The following SETD2 variants were observed in gnomAD, a reference collection of about 807,000 sequenced individuals.
SETD2 encodes histone-lysine N-methyltransferase SETD2.
A neutral mutation model predicts 242.1 loss-of-function variants in SETD2; 31 were observed. The observed-to-expected ratio is 0.13, with a 90% CI of 0.10 to 0.17. The LOEUF is 0.17. Among genes scored for constraint, SETD2 ranks in the 10% least tolerant of loss-of-function variants. The pLI, the probability that SETD2 is intolerant of heterozygous loss-of-function variation, is 1.00. For missense variants in SETD2, 2,481 were observed against 3,046.3 expected, an observed-to-expected ratio of 0.81 and a Z score of 4.37; for synonymous variants, 1,006 against 1,066.5, an observed-to-expected ratio of 0.94 and a Z score of 1.11.
chr3:47,160,499 G>A (rs945268961), intron 1 of SETD2, among the ~76,000 whole-genome samples: 5 of 149,742 alleles, frequency 3.3e-5, no homozygotes, highest in African/African-American at 1.2e-4. Flanking sequence ...TAGTAGAGAC[G>A]AGGTTTCACC....
intron 12 of SETD2, among the ~76,000 whole-genome samples, chr3:47,068,851 T>C (rs1269794000): frequency 2.6e-5 from 4 of 151,902 alleles, no homozygotes; most frequent in African/African-American, 7.3e-5. Flanking sequence ...CAGGCTGGAG[T>C]GCAGTGGTGC....
intron 3 of SETD2, among the ~76,000 whole-genome samples, chr3:47,117,218 T>C (rs1323620378): frequency 6.7e-6 from 1 of 149,544 alleles, no homozygotes; most frequent in African/African-American, 2.5e-5. Flanking sequence ...AAACATCTAA[T>C]TATTAGTACT....
At chr3:47,135,464 C>G (rs2043570256) in intron 1 of SETD2, among the ~76,000 whole-genome samples, 1 of 152,138 alleles carries the variant, frequency 6.6e-6, no homozygotes, top group South Asian at 2.1e-4. Flanking sequence ...TTTGTAGAGA[C>G]AGGGTTTCAC....
In SETD2 at chr3:47,056,185, C is replaced by T. The variant is rs1374185717; in HGVS notation, c.6963+636G>A. On this transcript the variant is annotated intron_variant, in intron 15 of 20. Coordinates refer to ENST00000409792, the MANE Select transcript of SETD2 (RefSeq NM_014159.7). ...TGTTGTCCAGGCTGGGGTACAGTGA[C>T]GCTATCTCAGCTCACTGTAACCTCT... Among the ~76,000 whole-genome samples, 7 of 150,198 alleles carry T rather than the reference C, an allele frequency of 4.7e-5. No individual in the cohort carries two copies. The East Asian group carries it at 7.8e-4, about 17-fold the overall frequency.
chr3:47,151,094 T>C (rs1321501822), intron 1 of SETD2, among the ~76,000 whole-genome samples: 1 of 152,106 alleles, frequency 6.6e-6, no homozygotes, highest in East Asian at 1.9e-4. Context: ...TACTAGTTAC[T>C]AGGATTCCTC....
chr3:47,114,296 C>G (rs1016126589), intron 4 of SETD2, among the ~76,000 whole-genome samples: 1 of 152,168 alleles, frequency 6.6e-6, no homozygotes, highest in Non-Finnish European at 1.5e-5. Context: ...TTTCAGGCTG[C>G]ATGTAAGCTT....
In SETD2 at chr3:47,098,019, T is replaced by C; in HGVS notation, c.5078A>G (p.Asn1693Ser). The C allele has an allele frequency of 1.2e-6, 2 of 1,614,122 alleles. No individual in the cohort carries two copies. Among genetic ancestry groups the C allele is most frequent in the Non-Finnish European group, 1.7e-6 (2 of 1,179,964 alleles). Residue 1693 changes from asparagine to serine, a missense_variant, in exon 9 of 21, where the codon AAC (asparagine) becomes AGC (serine). Transcript: ENST00000409792. The stretch of plus-strand genomic sequence containing the variant: ...TCCTGCTGCTCTGATGCTGACTCTG[T>C]TTTCTCCTCCCAGGTAACCCCGGCA... ...ANCRGYLGGE[N>S]RVSIRAAGGK...
intron 6 of SETD2, 157 bp downstream of exon 6, chr3:47,105,840 T>A: frequency 1.4e-6 from 1 of 727,576 alleles, no homozygotes; most frequent in Non-Finnish European, 2.2e-6. Context: ...GAGGCAGGGG[T>A]TGCAGTGAGC....
At chr3:47,059,352 G>C (rs1471219471) in intron 14 of SETD2, among the ~76,000 whole-genome samples, 1 of 151,446 alleles carries the variant, frequency 6.6e-6, no homozygotes, top group African/African-American at 2.4e-5. Context: ...CTGACCTCAA[G>C]TGATCCGCCC....
intron 1 of SETD2, chr3:47,157,558 T>C (rs1379918636): frequency 2.2e-6 from 1 of 455,918 alleles, no homozygotes. Context: ...TCTAGCTGAC[T>C]TGTTCCATTC....
chr3:47,101,842 ACTG>A (rs781655939), intron 7 of SETD2, among the ~76,000 whole-genome samples: 5 of 152,140 alleles, frequency 3.3e-5, no homozygotes, highest in Admixed American at 3.3e-4. Context: ...AAAAAAAGTA[ACTG>A]CTATTTTAAT....
intron 10 of SETD2, among the ~76,000 whole-genome samples, 191 bp from the exon 11 acceptor site, chr3:47,086,505 ATCT>A (rs1430509005): frequency 6.6e-6 from 1 of 152,204 alleles, no homozygotes; most frequent in Admixed American, 6.5e-5. Context: ...ACAGATTATA[ATCT>A]TCTCTGATAC....
chr3:47,144,911 A>G (rs895037165), intron 1 of SETD2, among the ~76,000 whole-genome samples: 3 of 152,210 alleles, frequency 2.0e-5, no homozygotes, highest in Non-Finnish European at 4.4e-5. Context: ...AGATCACACC[A>G]CTGCACTCCA....
intron 5 of SETD2, among the ~76,000 whole-genome samples, chr3:47,107,720 C>CGGAGGGGG (rs1177164556): frequency 7.7e-6 from 1 of 129,770 alleles, no homozygotes; most frequent in African/African-American, 2.8e-5. Context: ...CTTTGGGTGG[C>CGGAGGGGG]GGGGGGGGGT....
chr3:47,115,026 C>T (rs2042803176), intron 4 of SETD2, among the ~76,000 whole-genome samples: 1 of 151,902 alleles, frequency 6.6e-6, no homozygotes, highest in South Asian at 2.1e-4. Flanking sequence ...TAAAGGAAAG[C>T]TTTCAGGAGG....
chr3:47,159,677 G>A (rs571505775), intron 1 of SETD2, among the ~76,000 whole-genome samples: 27 of 152,290 alleles, frequency 1.8e-4, no homozygotes, highest in African/African-American at 6.3e-4. Flanking sequence ...TTACAAGACT[G>A]TAAAAAAGCT....
At chr3:47,139,522 G>A (rs754115776) in intron 1 of SETD2, among the ~76,000 whole-genome samples, 11 of 151,992 alleles carry the variant, frequency 7.2e-5, no homozygotes, top group African/African-American at 2.2e-4. Context: ...TAACATTCCC[G>A]TTCCTATCAT....
chr3:47,123,940 A>C lies in SETD2; in HGVS notation c.696T>G (p.Asp232Glu), dbSNP rs918283160. The change falls in exon 3 of 21, where the codon GAT becomes GAG. Residue 232 changes from aspartate to glutamate, a missense_variant. Asp to Glu is a conservative substitution (Grantham distance 45). Around this residue, in one of 17 missense-constraint regions of SETD2, gnomAD observed 334 missense variants for 374.5 expected, o/e 0.89. Coordinates refer to ENST00000409792, the MANE Select transcript of SETD2 (RefSeq NM_014159.7). ...GTTCTTTCAGAGATCTAACTGCTAC[A>C]TCTACTGGTAAGGGTACTGGTGCTG... is the stretch of plus-strand genomic sequence containing the variant. ...LMAAPVPLPV[D>E]VAVRSLKEPP... 2 of 1,551,660 alleles carry C rather than the reference A, an allele frequency of 1.3e-6. No homozygotes were observed. The highest frequency in any genetic ancestry group is 2.7e-5 in the African/African-American group (2 of 73,044).
At chr3:47,137,307 C>T (rs1196363911) in intron 1 of SETD2, among the ~76,000 whole-genome samples, 1 of 152,044 alleles carries the variant, frequency 6.6e-6, no homozygotes, top group Non-Finnish European at 1.5e-5. Flanking sequence ...ATTCTCCTGC[C>T]TCAGCTTCCC....
Sources: gnomAD v4.1 joint callset for allele counts (sites outside exome capture counted in the v4.1 genomes callset) on GRCh38, gnomAD v4.1.1 for gene constraint, gnomAD v4.1.1 regional missense constraint, MANE v1.5 for transcripts, NCBI Gene and HGNC (gene_info 2026-07-23, HGNC 2026-07-21) for gene names.